The following PCDHGA3 variants were observed in gnomAD, a reference collection of about 807,000 sequenced individuals.
PCDHGA3 encodes protocadherin gamma-A3.
PCDHGA3 carries 40 observed loss-of-function variants against 58.5 expected under a neutral mutation model. The ratio of observed to expected loss-of-function variants is 0.68; its 90% CI spans 0.53 to 0.89. PCDHGA3 has a LOEUF of 0.89. Ranked by LOEUF, PCDHGA3 falls within the 40% of genes least tolerant of loss-of-function variation. PCDHGA3 has a pLI of 0.00. For missense variants in PCDHGA3, 1,223 were observed against 1,195.9 expected, an observed-to-expected ratio of 1.02 and a Z score of -0.33; for synonymous variants, 530 against 525.7, an observed-to-expected ratio of 1.01 and a Z score of -0.11.
rs574950493 is a variant in PCDHGA3 at position 141,375,596 on chromosome 5, G to A, written c.2424+29139G>A. 12 of 1,613,990 alleles carry A rather than the reference G, an allele frequency of 7.4e-6. No individual in the cohort carries two copies. The Admixed American group carries it at 1.2e-4, about 16-fold the overall frequency. On this transcript the variant is annotated intron_variant, in intron 1 of 3. Coordinates refer to ENST00000253812, the MANE Select transcript of PCDHGA3 (RefSeq NM_018916.4). ...CCAGGGGGCGCCCCTGTCCTCCTAC[G>A]TGTCCATCAACTCCGACACTGGGAT...
At chr5:141,422,333 T>C in intron 1 of PCDHGA3, 1 of 1,549,594 alleles carries the variant, frequency 6.5e-7, no homozygotes, top group Non-Finnish European at 8.7e-7. Flanking sequence ...GTGATTGCTC[T>C]TCTAAATGTG....
intron 1 of PCDHGA3, chr5:141,478,642 T>C (rs777741719): frequency 6.4e-7 from 1 of 1,552,350 alleles, no homozygotes; most frequent in Non-Finnish European, 8.7e-7. Context: ...GTGATGAAGA[T>C]GTTTTCCTGG....
chr5:141,409,750 G>T, intron 1 of PCDHGA3: 1 of 1,613,016 alleles, frequency 6.2e-7, no homozygotes, highest in South Asian at 1.1e-5. Context: ...TGGTGTTCGC[G>T]CAGCGCGCCT....
intron 1 of PCDHGA3, chr5:141,413,978 T>C (rs2095697435): frequency 1.2e-6 from 2 of 1,613,414 alleles, no homozygotes; most frequent in Non-Finnish European, 8.5e-7. Flanking sequence ...CTGCTGACAG[T>C]CACAGCCACC....
rs763422738 is a variant in PCDHGA3, at chr5:141,345,720, C to T, written c.1687C>T (p.Leu563=). ...CCAGAACGACAACGCGCCCGAGATC[C>T]TGTACCCCGCCCTCCCCACAGACGG... The part of the protein sequence containing the change: ...LDQNDNAPEI[L]YPALPTDGST... Residue 563 remains leucine (L), a synonymous_variant, in exon 1 of 4, where the codon CTG becomes TTG. Transcript: ENST00000253812. 4.3e-6 allele frequency: 7 copies of T among 1,614,130 alleles called. No homozygotes were observed. Among genetic ancestry groups the T allele is most frequent in the East Asian group, 2.2e-5 (1 of 44,892 alleles).
intron 1 of PCDHGA3, chr5:141,441,448 A>T (rs1415765869): frequency 1.2e-5 from 2 of 161,528 alleles, no homozygotes; most frequent in Non-Finnish European, 2.7e-5. Context: ...CAGCCCAAGC[A>T]TCACCCTACT....
rs946798767 is a variant in PCDHGA3, at chr5:141,438,591, CATATATATAT to C, written c.2425-56180_2425-56171del. On this transcript the variant is annotated intron_variant, in intron 1 of 3. Transcript: ENST00000253812. The stretch of plus-strand genomic sequence containing the variant: ...TCTGATATACATACATACATACATA[CATATATATAT>C]ATATATATATATATATATATATATA... Among the ~76,000 whole-genome samples, 12 of 75,572 alleles carry C rather than the reference CATATATATAT, an allele frequency of 1.6e-4. No individual in the cohort carries two copies. The East Asian group carries it at 1.7e-3, about 11-fold the overall frequency. The allele number at this position is 75,572 out of a possible 152,430, so 49.6% of individuals were successfully genotyped here.
In PCDHGA3 at chr5:141,477,200, C is replaced by A; in HGVS notation, c.2425-17607C>A. On this transcript the variant is annotated intron_variant, in intron 1 of 3. Transcript: ENST00000253812. The surrounding 1 kb of genome is among the most constrained non-coding windows in gnomAD (Gnocchi z 4.9). The stretch of plus-strand genomic sequence containing the variant: ...AGTCACCTCCGTGTACAGCCCAGTA[C>A]CCGAGGATGCCCCTCTGGGGACTGT... 6.2e-7 allele frequency: 1 copy of A among 1,614,206 alleles called. No homozygotes were observed. Among genetic ancestry groups the A allele is most frequent in the South Asian group, 1.1e-5 (1 of 91,088 alleles).
At chr5:141,479,862 C>T (rs2099508997) in intron 1 of PCDHGA3, among the ~76,000 whole-genome samples, 1 of 152,170 alleles carries the variant, frequency 6.6e-6, no homozygotes, top group Non-Finnish European at 1.5e-5. Flanking sequence ...GGCCTTTGCC[C>T]TGGAGAGAAC....
intron 1 of PCDHGA3, chr5:141,370,169 G>T (rs953635284): frequency 3.5e-5 from 16 of 454,700 alleles, no homozygotes; most frequent in African/African-American, 2.2e-4. Flanking sequence ...CAGCAGAGGC[G>T]CCGGGTGCCG....
rs1489415232 is a variant in PCDHGA3, at chr5:141,346,335, C to T, written c.2302C>T (p.Leu768=). ...CACTGCGGACTCGCGGAAGAGCCACCTGATTTTCCCCCAGCCCAACTATGC... is the reference window on the plus strand; with the variant it reads ...CACTGCGGACTCGCGGAAGAGCCACTTGATTTTCCCCCAGCCCAACTATGC... ...SLTADSRKSH[L]IFPQPNYADT... Residue 768 remains leucine (L), a synonymous_variant, in exon 1 of 4, where the codon CTG becomes TTG. Coordinates refer to ENST00000253812, the MANE Select transcript of PCDHGA3 (RefSeq NM_018916.4). 6.8e-6 allele frequency: 11 copies of T among 1,614,122 alleles called. No individual in the cohort carries two copies. Among genetic ancestry groups the T allele is most frequent in the South Asian group, 1.1e-5 (1 of 91,086 alleles).
In PCDHGA3 at chr5:141,385,425, T is replaced by C; in HGVS notation, c.2424+38968T>C. On this transcript the variant is annotated intron_variant, in intron 1 of 3. Coordinates refer to ENST00000253812, the MANE Select transcript of PCDHGA3 (RefSeq NM_018916.4). The stretch of plus-strand genomic sequence containing the variant: ...TTTTGAAAATAGGGATTTAAAAAAC[T>C]TTATAGAGGTAAAAATGAGTTTACC... The C allele has an allele frequency of 2.7e-6, 4 of 1,460,336 alleles. No individual in the cohort carries two copies. The South Asian group carries it at 4.4e-5, about 16-fold the overall frequency. The allele number at this position is 1,460,336 out of a possible 1,614,324, so 90.5% of individuals were successfully genotyped here. A position where few individuals can be genotyped will look rare whatever the true frequency, so the allele number is the denominator to read the frequency against.
chr5:141,374,376 A>G (rs1770434456), intron 1 of PCDHGA3: 8 of 1,613,952 alleles, frequency 5.0e-6, no homozygotes, highest in Non-Finnish European at 6.8e-6. Context: ...CTCTGTGCTC[A>G]GAGCCCGCGG....
chr5:141,388,094 G>A (rs2091235940), intron 1 of PCDHGA3: 1 of 1,377,208 alleles, frequency 7.3e-7, no homozygotes, highest in Non-Finnish European at 1.0e-6. Flanking sequence ...GCGTCAGTTC[G>A]GAGAAGCCTT....
chr5:141,394,864 C>T, intron 1 of PCDHGA3: 4 of 1,613,780 alleles, frequency 2.5e-6, no homozygotes, highest in Non-Finnish European at 3.4e-6. Context: ...TCGGTCGACC[C>T]GAACGATTCG....
intron 1 of PCDHGA3, chr5:141,383,616 G>A (rs750574958): frequency 2.5e-6 from 4 of 1,613,808 alleles, no homozygotes; most frequent in Non-Finnish European, 3.4e-6. Flanking sequence ...ATGACCACAC[G>A]CCTGTCTTCT....
intron 1 of PCDHGA3, chr5:141,418,384 C>A (rs774636792): frequency 1.5e-5 from 25 of 1,613,864 alleles, no homozygotes; most frequent in East Asian, 4.5e-5. Context: ...TAAGTCCTAA[C>A]GAGTATTTCT....
chr5:141,404,838 C>T (rs1561696680), intron 1 of PCDHGA3: 1 of 1,613,850 alleles, frequency 6.2e-7, no homozygotes, highest in East Asian at 2.2e-5. Flanking sequence ...GTGCGCACAG[C>T]TCGGGCCCTG....
chr5:141,346,047 C>G lies in PCDHGA3; in HGVS notation c.2014C>G (p.Leu672Val), dbSNP rs1246037325. The G allele has an allele frequency of 6.2e-7, 1 of 1,613,516 alleles. No individual in the cohort carries two copies. The highest frequency in any genetic ancestry group is 8.5e-7 in the Non-Finnish European group (1 of 1,179,870). ...VAVADRIPDILADLGSLEPSA... is the reference protein window; with the variant it reads ...VAVADRIPDIVADLGSLEPSA... ...CGTGGCCGACAGGATCCCCGACATC[C>G]TGGCCGACCTGGGCAGCCTCGAGCC... is the stretch of plus-strand genomic sequence containing the variant. The change falls in exon 1 of 4, where the codon CTG (leucine) becomes GTG (valine). Residue 672 changes from leucine (L) to valine (V), a missense_variant. By Grantham distance (32) the Leu-to-Val change is conservative. Coordinates refer to ENST00000253812, the MANE Select transcript of PCDHGA3 (RefSeq NM_018916.4).
Sources: gnomAD v4.1 joint callset for allele counts (sites outside exome capture counted in the v4.1 genomes callset) on GRCh38, gnomAD v4.1.1 for gene constraint, Gnocchi (gnomAD v3.1) non-coding constraint, MANE v1.5 for transcripts, NCBI Gene and HGNC (gene_info 2026-07-23, HGNC 2026-07-21) for gene names.